Variants in FHOD3 observed in about 807,000 individuals in gnomAD.
FHOD3 encodes formin homology 2 domain containing 3.
FHOD3 carries 90 observed loss-of-function variants against 173.0 expected under a neutral mutation model. The observed-to-expected ratio is 0.52, with a 90% CI of 0.44 to 0.62. The LOEUF (loss-of-function observed/expected upper bound fraction) is 0.62, where lower values mean the gene tolerates loss of function less well. Ranked by LOEUF, FHOD3 falls within the 20% of genes least tolerant of loss-of-function variation. FHOD3 has a pLI of 0.00. For missense variants in FHOD3, 1,945 were observed against 2,034.7 expected (o/e 0.96, Z 0.85); for synonymous variants, 828 against 823.0 (o/e 1.01, Z -0.10).
chr18:36,421,306 A>G (rs1266275311), intron 3 of FHOD3, among the ~76,000 whole-genome samples: 1 of 152,228 alleles, frequency 6.6e-6, no homozygotes, highest in Non-Finnish European at 1.5e-5. Flanking sequence ...ACAAAAAGAT[A>G]CTTTTGAATT....
At position 36,467,109 on chromosome 18, in the gene FHOD3, C is replaced by T. The variant is rs949240; in HGVS notation, c.338-34823C>T. ...CTGCTCCTGCTGACCAGCGAGTCTCCAGCTCTTTACAGCAGGTGGACAGGA... is the reference window on the plus strand; with the variant it reads ...CTGCTCCTGCTGACCAGCGAGTCTCTAGCTCTTTACAGCAGGTGGACAGGA... On this transcript the variant is annotated intron_variant, in intron 3 of 28. Transcript: ENST00000590592. Among the ~76,000 whole-genome samples, 894 of 152,250 alleles carry T rather than the reference C, an allele frequency of 5.9e-3. 9 individuals carry two copies. The highest frequency in any genetic ancestry group is 0.02 in the African/African-American group (845 of 41,544).
At chr18:36,459,164 A>G (rs1433830344) in intron 3 of FHOD3, among the ~76,000 whole-genome samples, 1 of 148,612 alleles carries the variant, frequency 6.7e-6, no homozygotes, top group Non-Finnish European at 1.5e-5. Flanking sequence ...CCACACCCCC[A>G]TCTACTGCCC....
At chr18:36,358,221 G>A (rs1023844989) in intron 2 of FHOD3, among the ~76,000 whole-genome samples, 1 of 152,210 alleles carries the variant, frequency 6.6e-6, no homozygotes, top group African/African-American at 2.4e-5. Flanking sequence ...GGTACTTTAG[G>A]TTCTATGCAG....
intron 3 of FHOD3, among the ~76,000 whole-genome samples, chr18:36,435,774 T>A (rs1267523466): frequency 6.6e-6 from 1 of 152,186 alleles, no homozygotes; most frequent in East Asian, 1.9e-4. Flanking sequence ...TTCATCATGT[T>A]GATATGATGG....
intron 14 of FHOD3, among the ~76,000 whole-genome samples, chr18:36,663,398 C>T (rs546995436): frequency 5.3e-5 from 8 of 152,312 alleles, no homozygotes; most frequent in South Asian, 4.1e-4. Context: ...TGATCAGCCA[C>T]GCTGACCTCT....
intron 5 of FHOD3, among the ~76,000 whole-genome samples, chr18:36,561,320 A>T (rs1360122896): frequency 2.6e-5 from 4 of 152,216 alleles, no homozygotes; most frequent in African/African-American, 9.7e-5. Flanking sequence ...GTGTTGGCCC[A>T]GGAGACAGGA....
intron 3 of FHOD3, among the ~76,000 whole-genome samples, chr18:36,458,751 CT>C (rs1231474458): frequency 7.0e-6 from 1 of 143,340 alleles, no homozygotes; most frequent in Non-Finnish European, 1.5e-5. Context: ...ATCGGGGTGA[CT>C]TGGCCAAGCT....
intron 12 of FHOD3, 64 bp downstream of exon 12, chr18:36,652,993 C>CAGT: frequency 6.8e-7 from 1 of 1,464,740 alleles, no homozygotes; most frequent in South Asian, 1.4e-5. Context: ...AGTGTGTTAA[C>CAGT]TGCACCCCTT....
intron 19 of FHOD3, among the ~76,000 whole-genome samples, chr18:36,719,859 G>C (rs1052281930): frequency 6.6e-6 from 1 of 152,176 alleles, no homozygotes; most frequent in Non-Finnish European, 1.5e-5. Flanking sequence ...AGCCAGGGGA[G>C]CTGTAGTTGA....
At chr18:36,397,927 A>G (rs2048630568) in intron 3 of FHOD3, among the ~76,000 whole-genome samples, 1 of 152,212 alleles carries the variant, frequency 6.6e-6, no homozygotes, top group South Asian at 2.1e-4. Context: ...CTGGAAGTTT[A>G]CTGGAACATT....
intron 9 of FHOD3, among the ~76,000 whole-genome samples, chr18:36,616,541 C>T (rs986094160): frequency 6.6e-6 from 1 of 152,142 alleles, no homozygotes; most frequent in South Asian, 2.1e-4. Context: ...TTTCTTTTGT[C>T]GAATTACATG....
chr18:36,658,026 C>T (rs1229027790), intron 13 of FHOD3, 49 bp from the exon 14 acceptor site: 13 of 1,369,028 alleles, frequency 9.5e-6, no homozygotes, highest in African/African-American at 1.5e-5. Flanking sequence ...CTGACTTGTA[C>T]TTATTTCTCT....
intron 1 of FHOD3, among the ~76,000 whole-genome samples, chr18:36,335,420 G>A (rs1248500459): frequency 6.6e-6 from 1 of 151,418 alleles, no homozygotes; most frequent in East Asian, 1.9e-4. Context: ...GCGTGAACCC[G>A]GGAGGCAGAG....
chr18:36,381,968 G>C (rs1328935153), intron 3 of FHOD3, among the ~76,000 whole-genome samples: 1 of 152,190 alleles, frequency 6.6e-6, no homozygotes, highest in Non-Finnish European at 1.5e-5. Context: ...AAGGCTCTGG[G>C]AGGTGTTATG....
At chr18:36,380,523 C>A (rs2047690266) in intron 3 of FHOD3, among the ~76,000 whole-genome samples, 1 of 147,128 alleles carries the variant, frequency 6.8e-6, no homozygotes, top group African/African-American at 2.5e-5. Flanking sequence ...TTTCCTCTCT[C>A]CCTTTTTCCC....
At chr18:36,518,944 C>T (rs898688038) in intron 5 of FHOD3, among the ~76,000 whole-genome samples, 1 of 152,170 alleles carries the variant, frequency 6.6e-6, no homozygotes, top group African/African-American at 2.4e-5. Context: ...CCACACTGCC[C>T]AGGAGTATGG....
rs557842314 is a variant in FHOD3, at chr18:36,496,017, C to G, written c.338-5915C>G. The stretch of plus-strand genomic sequence containing the variant: ...TTTGGGAATCTGGCAGGCCAGGTAC[C>G]GTTCCTGGTTGAGCCCTTCACATTC... On this transcript the variant is annotated intron_variant, in intron 3 of 28. Transcript: ENST00000590592. Among the ~76,000 whole-genome samples, 124 of 152,312 alleles carry G rather than the reference C, an allele frequency of 8.1e-4. 1 individual carries two copies. Among genetic ancestry groups the G allele is most frequent in the African/African-American group, 2.8e-3 (117 of 41,566 alleles).
chr18:36,661,117 T>G (rs1199894331), intron 14 of FHOD3, among the ~76,000 whole-genome samples: 3 of 150,196 alleles, frequency 2.0e-5, no homozygotes, highest in Non-Finnish European at 2.9e-5. Flanking sequence ...GTTTTGTAAG[T>G]GGGGGAAAAA....
chr18:36,493,314 T>C (rs759253115), intron 3 of FHOD3, among the ~76,000 whole-genome samples: 2 of 152,110 alleles, frequency 1.3e-5, no homozygotes, highest in African/African-American at 4.8e-5. Flanking sequence ...CCAAGCAATT[T>C]TTTTTCACTG....
Sources: gnomAD v4.1 joint callset for allele counts (sites outside exome capture counted in the v4.1 genomes callset) on GRCh38, gnomAD v4.1.1 for gene constraint, MANE v1.5 for transcripts, NCBI Gene and HGNC (gene_info 2026-07-23, HGNC 2026-07-21) for gene names.